RALGAPB: variants seen among roughly 807,000 people sequenced by gnomAD.
RALGAPB encodes ral GTPase-activating protein subunit beta.
In RALGAPB, 25 loss-of-function variants were observed where a neutral mutation model predicts 161.1. The observed-to-expected ratio is 0.16, with a 90% CI of 0.11 to 0.22. The LOEUF (loss-of-function observed/expected upper bound fraction) is 0.22. Ranked by LOEUF, RALGAPB falls within the 10% of genes least tolerant of loss-of-function variation. The pLI is 1.00. For synonymous variants in RALGAPB, 629 were observed against 626.1 expected (o/e 1.00, Z -0.07); for missense variants, 1,391 against 1,815.2 (o/e 0.77, Z 4.25).
intron 28 of RALGAPB, chr20:38,573,881 C>A (rs1224579051): frequency 4.2e-6 from 1 of 235,654 alleles, no homozygotes; most frequent in Non-Finnish European, 8.1e-6. Flanking sequence ...TATTGGTTTT[C>A]CAAGCATATA....
chr20:38,491,027 A>G (rs2085264737), intron 2 of RALGAPB, among the ~76,000 whole-genome samples: 1 of 152,202 alleles, frequency 6.6e-6, no homozygotes, highest in South Asian at 2.1e-4. Flanking sequence ...AGGGACCTGC[A>G]ATGTCTTTTA....
At chr20:38,506,249 A>G (rs191703981) in intron 5 of RALGAPB, among the ~76,000 whole-genome samples, 1 of 151,722 alleles carries the variant, frequency 6.6e-6, no homozygotes, top group African/African-American at 2.4e-5. Context: ...TTCTGCGTCA[A>G]TCCCCTATAA....
rs2086409955 is a variant in RALGAPB, at chr20:38,524,854, A to T, written c.1696A>T (p.Asn566Tyr). The change falls in exon 11 of 30, where the codon AAC becomes TAC. Residue 566 changes from asparagine (N) to tyrosine (Y), a missense_variant. This residue lies in a region of RALGAPB where 946 missense variants were observed against 1,257.2 expected (regional missense o/e 0.75). Transcript: ENST00000262879. The part of the protein sequence containing the change: ...CHPVLASVIL[N>Y]SPPLFCCDLK... ...TCCTGTCTTGGCCAGCGTTATTCTAAACTCTCCTCCTTTGTTCTGCTGTGA... is the reference window on the plus strand; with the variant it reads ...TCCTGTCTTGGCCAGCGTTATTCTATACTCTCCTCCTTTGTTCTGCTGTGA... 2 of 1,605,424 alleles carry T rather than the reference A, an allele frequency of 1.2e-6. No homozygotes were observed. Among genetic ancestry groups the T allele is most frequent in the African/African-American group, 1.3e-5 (1 of 74,708 alleles).
In RALGAPB at chr20:38,525,018, T is replaced by G; in HGVS notation, c.1787+73T>G. 3 of 1,379,578 alleles carry G rather than the reference T, an allele frequency of 2.2e-6. No individual in the cohort carries two copies. The South Asian group carries it at 3.7e-5, about 17-fold the overall frequency. The allele number at this position is 1,379,578 out of a possible 1,614,324, so 85.5% of individuals were successfully genotyped here. ...GTCTGTTGGTGCTTCCTCCCCAGTT[T>G]CCTAATGTATCCTGTCCAGTTGTCT... On this transcript the variant is annotated intron_variant, in intron 11 of 29. Transcript: ENST00000262879.
chr20:38,504,096 GCAAC>G (rs1160674985), intron 5 of RALGAPB, among the ~76,000 whole-genome samples: 1 of 151,960 alleles, frequency 6.6e-6, no homozygotes, highest in Non-Finnish European at 1.5e-5. Context: ...AATTCATATT[GCAAC>G]CAAAAAAGAG....
chr20:38,560,374 G>T (rs1365224571), intron 23 of RALGAPB, among the ~76,000 whole-genome samples: 1 of 152,202 alleles, frequency 6.6e-6, no homozygotes, highest in East Asian at 1.9e-4. Flanking sequence ...TATTTAAGGT[G>T]TGCCTTAACT....
chr20:38,563,372 T>G (rs186060712), intron 24 of RALGAPB, among the ~76,000 whole-genome samples: 3 of 152,346 alleles, frequency 2.0e-5, no homozygotes, highest in Non-Finnish European at 4.4e-5. Context: ...CCAGTGTGTT[T>G]TACCAACTGT....
intron 6 of RALGAPB, among the ~76,000 whole-genome samples, chr20:38,511,660 A>G (rs980765809): frequency 6.6e-6 from 1 of 152,174 alleles, no homozygotes; most frequent in East Asian, 1.9e-4. Flanking sequence ...TAAGGTTATA[A>G]ATTAACAGCA....
intron 24 of RALGAPB, 21 bp from the exon 25 acceptor site, chr20:38,565,335 TGTA>T: frequency 6.2e-7 from 1 of 1,612,162 alleles, no homozygotes; most frequent in Non-Finnish European, 8.5e-7. Flanking sequence ...GAAGCGGTAA[TGTA>T]GTGTTTCTTT....
In RALGAPB at chr20:38,535,079, A is replaced by C. The variant is rs1022802104; in HGVS notation, c.2251A>C (p.Asn751His). 1 of 1,613,804 alleles carries C rather than the reference A, an allele frequency of 6.2e-7. No homozygotes were observed. The highest frequency in any genetic ancestry group is 8.5e-7 in the Non-Finnish European group (1 of 1,179,828). Residue 751 changes from asparagine to histidine, a missense_variant, in exon 16 of 30, where the codon AAT becomes CAT. This residue lies in a region of RALGAPB where 946 missense variants were observed against 1,257.2 expected (regional missense o/e 0.75). Coordinates refer to ENST00000262879, the MANE Select transcript of RALGAPB (RefSeq NM_020336.4). ...AQALLRDYAL[N>H]TDSAAGLLIR... ...GCATTGGGGTTATATCCTAGCTCTT[A>C]ATACAGATTCAGCTGCTGGGCTCCT...
intron 6 of RALGAPB, among the ~76,000 whole-genome samples, chr20:38,512,441 C>G (rs2085989367): frequency 6.6e-6 from 1 of 152,300 alleles, no homozygotes; most frequent in African/African-American, 2.4e-5. Flanking sequence ...TCTTTTTAAT[C>G]TACATAATGG....
chr20:38,558,331 G>A lies in RALGAPB; in HGVS notation c.3409G>A (p.Ala1137Thr). ...ANSRLPPHLIALDSTIPGFFD... is the reference protein window; with the variant it reads ...ANSRLPPHLITLDSTIPGFFD... ...TAGTCGTCTACCTCCTCACCTTATTGCACTTGATTCCACGATACCTGGATT... is the reference window on the plus strand; with the variant it reads ...TAGTCGTCTACCTCCTCACCTTATTACACTTGATTCCACGATACCTGGATT... Residue 1137 changes from alanine to threonine, a missense_variant, in exon 23 of 30, where the codon GCA (alanine) becomes ACA (threonine). Ala to Thr is a moderately conservative substitution (Grantham distance 58, BLOSUM62 0). This residue lies in a region of RALGAPB where 436 missense variants were observed against 527.0 expected (regional missense o/e 0.83). Transcript: ENST00000262879. 6.3e-7 allele frequency: 1 copy of A among 1,599,146 alleles called. No homozygotes were observed. Among genetic ancestry groups the A allele is most frequent in the Non-Finnish European group, 8.5e-7 (1 of 1,171,770 alleles).
intron 1 of RALGAPB, among the ~76,000 whole-genome samples, chr20:38,476,551 T>C (rs992615151): frequency 9.2e-5 from 14 of 152,146 alleles, no homozygotes; most frequent in African/African-American, 3.1e-4. Context: ...TGCCTGTCTG[T>C]GTGTGCATGG....
chr20:38,547,671 CTGTTG>C (rs2087217539), intron 19 of RALGAPB: 2 of 152,184 alleles, frequency 1.3e-5, no homozygotes, highest in Admixed American at 6.5e-5. Flanking sequence ...TCATAAACTT[CTGTTG>C]TGTTGTGGTG....
chr20:38,506,482 T>A (rs766790368), intron 5 of RALGAPB, among the ~76,000 whole-genome samples: 2 of 152,180 alleles, frequency 1.3e-5, no homozygotes, highest in Non-Finnish European at 2.9e-5. Flanking sequence ...TTGGTCAAGA[T>A]GGGGTTCCTC....
intron 13 of RALGAPB, among the ~76,000 whole-genome samples, chr20:38,528,686 AT>A (rs879916475): frequency 4.4e-4 from 64 of 146,446 alleles, no homozygotes; most frequent in Admixed American, 8.8e-4. Flanking sequence ...ATTTTAGGGA[AT>A]TTTTTTTTTT....
intron 6 of RALGAPB, among the ~76,000 whole-genome samples, chr20:38,512,037 G>C (rs1056781416): frequency 6.6e-6 from 1 of 152,086 alleles, no homozygotes; most frequent in African/African-American, 2.4e-5. Flanking sequence ...AGAATTTTGC[G>C]TATCTTCTTG....
intron 14 of RALGAPB, 34 bp downstream of exon 14, chr20:38,531,265 T>A: frequency 6.6e-7 from 1 of 1,510,234 alleles, no homozygotes; most frequent in East Asian, 2.3e-5. Flanking sequence ...TCAGAGAATA[T>A]CACTTTTGAA....
intron 5 of RALGAPB, among the ~76,000 whole-genome samples, chr20:38,505,793 G>A (rs112043384): frequency 0.017 from 2,552 of 152,266 alleles, 84 homozygotes; most frequent in African/African-American, 0.057. Flanking sequence ...TTAGGGTAGT[G>A]TGAAACTGAA....
Sources: allele counts gnomAD v4.1 joint callset (sites outside exome capture counted in the v4.1 genomes callset), GRCh38; gene constraint gnomAD v4.1.1; regional missense constraint gnomAD v4.1.1; transcripts MANE v1.5; gene names NCBI Gene and HGNC (gene_info 2026-07-23, HGNC 2026-07-21).